Variants in PLAC8L1 observed in about 807,000 individuals in gnomAD.
PLAC8L1 encodes PLAC8-like protein 1.
In PLAC8L1, 13 loss-of-function variants were observed where a neutral mutation model predicts 16.3. The ratio of observed to expected loss-of-function variants is 0.80; its 90% CI spans 0.52 to 1.27. The LOEUF (loss-of-function observed/expected upper bound fraction) is 1.27, where lower values mean the gene tolerates loss of function less well. Among genes scored for constraint, PLAC8L1 ranks in the 50% most tolerant of loss-of-function variants. The probability of loss-of-function intolerance (pLI) is 0.00; values close to 1 mark genes in which losing one functional copy is unlikely to be tolerated. For synonymous variants in PLAC8L1, 78 were observed against 79.3 expected (o/e 0.98, Z 0.09); for missense variants, 184 against 220.2 (o/e 0.84, Z 1.04).
rs541135179 is a variant in PLAC8L1 at position 146,089,743 on chromosome 5, T to G, written c.257-4146A>C. On this transcript the variant is annotated intron_variant, in intron 2 of 3. Coordinates refer to ENST00000311450, the MANE Select transcript of PLAC8L1 (RefSeq NM_001029869.3). Reference sequence around the variant, plus strand: ...TTAAGTCAGGCAACTTCTTCTTCTTTTTTTTTTTTTTTTGAGATGAAGTCT... The same window carrying G: ...TTAAGTCAGGCAACTTCTTCTTCTTGTTTTTTTTTTTTTGAGATGAAGTCT... 3.6e-4 allele frequency among the ~76,000 whole-genome samples: 53 copies of G among 149,032 alleles called. No homozygotes were observed. In the South Asian group the frequency reaches 0.01, roughly 29 times the overall value.
At chr5:146,102,615 G>A (rs1763839337) in intron 1 of PLAC8L1, among the ~76,000 whole-genome samples, 1 of 152,178 alleles carries the variant, frequency 6.6e-6, no homozygotes, top group Non-Finnish European at 1.5e-5. Flanking sequence ...GAATGAGTAT[G>A]CAAACAGTGG....
Position 146,104,351 on chromosome 5 carries a change from C to G in PLAC8L1, c.-40G>C. On this transcript the variant is annotated 5_prime_UTR_variant, in exon 1 of 4. Coordinates refer to ENST00000311450, the MANE Select transcript of PLAC8L1 (RefSeq NM_001029869.3). The stretch of plus-strand genomic sequence containing the variant: ...TCTTGTCCTTTGGGCTATCCTTTTT[C>G]CCTTTGGCAATAAGCTGGTTTCTAA... 6.7e-7 allele frequency: 1 copy of G among 1,494,754 alleles called. No individual in the cohort carries two copies. The highest frequency in any genetic ancestry group is 9.3e-7 in the Non-Finnish European group (1 of 1,072,948). 92.6% of individuals were successfully genotyped at this position (1,494,754 alleles called of 1,614,324 possible). A position where few individuals can be genotyped will look rare whatever the true frequency, so the allele number is the denominator to read the frequency against.
At chr5:146,101,349 C>A (rs952762897) in intron 1 of PLAC8L1, among the ~76,000 whole-genome samples, 15 of 152,202 alleles carry the variant, frequency 9.9e-5, no homozygotes, top group African/African-American at 3.6e-4. Context: ...TAATCTCAGA[C>A]TTCCATTCTC....
chr5:146,094,503 G>C (rs1044246484), intron 2 of PLAC8L1, among the ~76,000 whole-genome samples: 6 of 152,338 alleles, frequency 3.9e-5, no homozygotes, highest in Admixed American at 3.3e-4. Flanking sequence ...GTTGAATCAT[G>C]AGCTGAATTA....
At chr5:146,090,031 C>T (rs569008307) in intron 2 of PLAC8L1, among the ~76,000 whole-genome samples, 9 of 152,020 alleles carry the variant, frequency 5.9e-5, no homozygotes, top group Non-Finnish European at 8.8e-5. Flanking sequence ...AGCCACAGCG[C>T]CCAGCCTCAA....
chr5:146,088,691 G>A (rs1242960830), intron 2 of PLAC8L1, among the ~76,000 whole-genome samples: 2 of 152,042 alleles, frequency 1.3e-5, no homozygotes, highest in Non-Finnish European at 2.9e-5. Context: ...ACATCTCTTG[G>A]CCCAAAGCAA....
chr5:146,098,144 G>A lies in PLAC8L1; in HGVS notation c.256+12C>T, dbSNP rs764197172. On this transcript the variant is annotated intron_variant, in intron 2 of 3. Coordinates refer to ENST00000311450, the MANE Select transcript of PLAC8L1 (RefSeq NM_001029869.3). Reference sequence around the variant, plus strand: ...TAGTAAGGAGGAACTTAAATAAGGAGGAAAAACTTACAAATTCTCCTATCT... The same window carrying A: ...TAGTAAGGAGGAACTTAAATAAGGAAGAAAAACTTACAAATTCTCCTATCT... 3 of 1,606,092 alleles carry A rather than the reference G, an allele frequency of 1.9e-6. No homozygotes were observed. Among genetic ancestry groups the A allele is most frequent in the East Asian group, 4.5e-5 (2 of 44,640 alleles).
intron 1 of PLAC8L1, 22 bp downstream of exon 1, chr5:146,104,171 A>G (rs758749101): frequency 2.5e-6 from 4 of 1,610,800 alleles, no homozygotes; most frequent in African/African-American, 1.3e-5. Context: ...AAGCTAGGGG[A>G]AAAACTCACC....
chr5:146,097,291 C>T (rs566366063), intron 2 of PLAC8L1, among the ~76,000 whole-genome samples: 7 of 152,248 alleles, frequency 4.6e-5, no homozygotes, highest in South Asian at 2.1e-4. Context: ...GTTATTTGCC[C>T]CTCTTTATAG....
intron 2 of PLAC8L1, among the ~76,000 whole-genome samples, chr5:146,095,778 T>C (rs1763709071): frequency 6.6e-6 from 1 of 152,140 alleles, no homozygotes; most frequent in African/African-American, 2.4e-5. Flanking sequence ...GCTGAGCAAA[T>C]TGAGCTGCTT....
chr5:146,104,422 C>T lies in PLAC8L1; in HGVS notation c.-111G>A. On this transcript the variant is annotated 5_prime_UTR_variant, in exon 1 of 4. Transcript: ENST00000311450. ...GAAACATCTCTTGAAAGAATGTTCC[C>T]TTAATATTCTGGAACCTGAGGTCAT... 1.1e-6 allele frequency: 1 copy of T among 887,100 alleles called. No individual in the cohort carries two copies. 55.0% of individuals were successfully genotyped at this position (887,100 alleles called of 1,614,324 possible).
intron 2 of PLAC8L1, among the ~76,000 whole-genome samples, chr5:146,090,433 G>T (rs1020675390): frequency 2.0e-5 from 3 of 152,080 alleles, no homozygotes; most frequent in Admixed American, 6.5e-5. Flanking sequence ...TACTCAGGAG[G>T]TTGAGGTGGA....
At chr5:146,103,683 T>C (rs928784619) in intron 1 of PLAC8L1, 3 of 985,258 alleles carry the variant, frequency 3.0e-6, no homozygotes, top group Non-Finnish European at 3.6e-6. Context: ...ATGAGATACA[T>C]ACTTTTCCCT....
At chr5:146,101,813 C>T (rs1763821788) in intron 1 of PLAC8L1, among the ~76,000 whole-genome samples, 2 of 152,176 alleles carry the variant, frequency 1.3e-5, no homozygotes. Context: ...AATGTGATGG[C>T]CACAAGCTGG....
intron 1 of PLAC8L1, among the ~76,000 whole-genome samples, chr5:146,102,040 C>CTTTTTTTTTTT (rs36011275): frequency 1.5e-4 from 20 of 130,506 alleles, no homozygotes; most frequent in Admixed American, 1.6e-4. Flanking sequence ...TGTGTTTACC[C>CTTTTTTTTTTT]TTTTTTTTTT....
intron 1 of PLAC8L1, among the ~76,000 whole-genome samples, chr5:146,100,784 T>C (rs944858258): frequency 1.3e-5 from 2 of 152,128 alleles, no homozygotes; most frequent in African/African-American, 2.4e-5. Flanking sequence ...CTGCATCGCA[T>C]CCCCCAAAAC....
intron 3 of PLAC8L1, 119 bp from the exon 4 acceptor site, chr5:146,084,691 C>A (rs753379847): frequency 7.5e-7 from 1 of 1,328,474 alleles, no homozygotes; most frequent in Non-Finnish European, 1.0e-6. Context: ...TCACCAACAT[C>A]CTTAAGCCAA....
chr5:146,102,040 C>CTTTTTTTTTTTTTTTTGTTTTTTT (rs1763828259), intron 1 of PLAC8L1, among the ~76,000 whole-genome samples: 1 of 130,506 alleles, frequency 7.7e-6, no homozygotes. Context: ...TGTGTTTACC[C>CTTTTTTTTTTTTTTTTGTTTTTTT]TTTTTTTTTT....
chr5:146,103,368 AGGCT>A (rs1724186162), intron 1 of PLAC8L1, among the ~76,000 whole-genome samples: 1 of 152,136 alleles, frequency 6.6e-6, no homozygotes, highest in Middle Eastern at 3.2e-3. Flanking sequence ...CATGTTGGCT[AGGCT>A]GGTCTCGAAT....
Sources: allele counts gnomAD v4.1 joint callset (sites outside exome capture counted in the v4.1 genomes callset), GRCh38; gene constraint gnomAD v4.1.1; transcripts MANE v1.5; gene names NCBI Gene and HGNC (gene_info 2026-07-23, HGNC 2026-07-21).